Variants in CLVS1 observed in about 807,000 individuals in gnomAD.
The protein encoded by CLVS1 is clavesin 1.
A neutral mutation model predicts 33.1 loss-of-function variants in CLVS1; 10 were observed. That is an observed-to-expected ratio of 0.30 (90% CI 0.19 to 0.51). The LOEUF is 0.51. Among genes scored for constraint, CLVS1 ranks in the 20% least tolerant of loss-of-function variants. The pLI, the probability that CLVS1 is intolerant of heterozygous loss-of-function variation, is 0.97. For missense variants in CLVS1, 343 were observed against 433.4 expected, an observed-to-expected ratio of 0.79 and a Z score of 1.85; for synonymous variants, 163 against 166.1, an observed-to-expected ratio of 0.98 and a Z score of 0.14.
intron 1 of CLVS1, among the ~76,000 whole-genome samples, chr8:61,115,343 TA>T (rs1288064624): frequency 4.6e-5 from 7 of 151,262 alleles, no homozygotes; most frequent in Non-Finnish European, 5.9e-5. Flanking sequence ...TTATTTTTTT[TA>T]TTTTATTTTT....
intron 5 of CLVS1, among the ~76,000 whole-genome samples, chr8:61,489,781 C>T (rs1804006316): frequency 6.6e-6 from 1 of 152,138 alleles, no homozygotes. Flanking sequence ...TTCGATATGT[C>T]AAACAAGGGT....
At chr8:61,398,245 G>A (rs1181036133) in intron 3 of CLVS1, among the ~76,000 whole-genome samples, 5 of 146,048 alleles carry the variant, frequency 3.4e-5, no homozygotes, top group Non-Finnish European at 1.5e-5. Context: ...GTAGTGGTGT[G>A]ATCATGGCTC....
At chr8:61,454,342 T>C (rs1222412643) in intron 4 of CLVS1, 91 bp downstream of exon 4, 2 of 889,900 alleles carry the variant, frequency 2.2e-6, no homozygotes. Context: ...CCCCCCTTTT[T>C]CTCTCTTTCT....
rs1563428601 is a variant in CLVS1 at position 61,167,284 on chromosome 8, TC to T, written c.-152+35427del. On this transcript the variant is annotated intron_variant, in intron 2 of 2. Transcript: ENST00000522621. The stretch of plus-strand genomic sequence containing the variant: ...ATCTCTGCTCACCGCAACCTTCGCC[TC>T]CCGAGTTCAAGCCATTCTCCTGCCT... 1.1e-4 allele frequency among the ~76,000 whole-genome samples: 16 copies of T among 151,310 alleles called. No homozygotes were observed. In the South Asian group the frequency reaches 3.4e-3, roughly 32 times the overall value.
chr8:61,374,802 A>G (rs540264094), intron 2 of CLVS1, among the ~76,000 whole-genome samples: 1 of 152,230 alleles, frequency 6.6e-6, no homozygotes, highest in East Asian at 1.9e-4. Context: ...TAGATAGTTG[A>G]AAGTGTGTGG....
chr8:61,469,947 T>A (rs569655808), intron 5 of CLVS1, among the ~76,000 whole-genome samples: 2 of 152,352 alleles, frequency 1.3e-5, no homozygotes, highest in African/African-American at 4.8e-5. Flanking sequence ...AAGCAGCTAA[T>A]GCCTGAGATG....
Position 61,499,960 on chromosome 8 carries a change from A to G in CLVS1, c.*418A>G, listed in dbSNP as rs1804513672. 6.2e-6 allele frequency: 1 copy of G among 161,978 alleles called. No homozygotes were observed. The highest frequency in any genetic ancestry group is 1.4e-5 in the Non-Finnish European group (1 of 72,980). The allele number at this position is 161,978 out of a possible 1,614,324, so 10.0% of individuals were successfully genotyped here. Reference sequence around the variant, plus strand: ...AGTAAATGTATCAGAGTTAAACTGTACAGACACCACTGTCAAGTTTCATGT... The same window carrying G: ...AGTAAATGTATCAGAGTTAAACTGTGCAGACACCACTGTCAAGTTTCATGT... On this transcript the variant is annotated 3_prime_UTR_variant, in exon 6 of 6. Coordinates refer to ENST00000325897, the MANE Select transcript of CLVS1 (RefSeq NM_173519.3).
chr8:60,968,279 GC>G, the CLVS1 span, among the ~76,000 whole-genome samples: 1 of 152,186 alleles, frequency 6.6e-6, no homozygotes, highest in Non-Finnish European at 1.5e-5. Context: ...GGAGGCCGAG[GC>G]CGAGGCCGGC....
intron 2 of CLVS1, among the ~76,000 whole-genome samples, chr8:61,261,102 T>C (rs2931285): frequency 0.69 from 104,455 of 152,086 alleles, 38,267 homozygotes; most frequent in East Asian, 0.97. Flanking sequence ...ATCAAGCATC[T>C]GTGGCTTGAG....
intron 3 of CLVS1, among the ~76,000 whole-genome samples, chr8:61,450,009 C>A (rs1415751324): frequency 6.6e-6 from 1 of 152,182 alleles, no homozygotes; most frequent in East Asian, 1.9e-4. Flanking sequence ...ACTGTACATG[C>A]AGAACTCCAT....
chr8:61,354,475 C>T (rs559133640), intron 2 of CLVS1, among the ~76,000 whole-genome samples: 29 of 152,070 alleles, frequency 1.9e-4, no homozygotes, highest in Admixed American at 1.1e-3. Context: ...ATTACACTCT[C>T]GGGCATTTAT....
At chr8:61,120,829 T>C (rs1266258305) in intron 1 of CLVS1, among the ~76,000 whole-genome samples, 1 of 147,978 alleles carries the variant, frequency 6.8e-6, no homozygotes, top group Admixed American at 6.6e-5. Flanking sequence ...TCTTTTTGTT[T>C]GTCTGTGCCC....
intron 3 of CLVS1, among the ~76,000 whole-genome samples, chr8:61,448,377 A>C (rs1404592954): frequency 6.6e-6 from 1 of 152,048 alleles, no homozygotes; most frequent in Admixed American, 6.6e-5. Flanking sequence ...CCAATGACAC[A>C]AATTTTAGAT....
At chr8:61,140,189 T>C (rs890194007) in intron 2 of CLVS1, among the ~76,000 whole-genome samples, 1 of 152,224 alleles carries the variant, frequency 6.6e-6, no homozygotes, top group Non-Finnish European at 1.5e-5. Flanking sequence ...GATTTTATCC[T>C]TGGGCGAAGG....
At chr8:61,427,340 G>A (rs1815932244) in intron 3 of CLVS1, among the ~76,000 whole-genome samples, 1 of 152,066 alleles carries the variant, frequency 6.6e-6, no homozygotes, top group Non-Finnish European at 1.5e-5. Flanking sequence ...GACTGAGTTA[G>A]CCTTGCTAGC....
intron 2 of CLVS1, among the ~76,000 whole-genome samples, chr8:61,182,269 G>A (rs141500541): frequency 0.037 from 5,618 of 152,188 alleles, 208 homozygotes; most frequent in South Asian, 0.15. Flanking sequence ...ACATGGGCAT[G>A]GGCAAAGATT....
Position 61,299,802 on chromosome 8 carries a change from C to T in CLVS1, c.-26C>T. 6.5e-7 allele frequency: 1 copy of T among 1,548,120 alleles called. No homozygotes were observed. Among genetic ancestry groups the T allele is most frequent in the East Asian group, 2.3e-5 (1 of 44,392 alleles). ...GGTAGTAAAACACTGTTGAATGGGC[C>T]ACAGTTTCAGCAGACCATCAGGTGA... On this transcript the variant is annotated 5_prime_UTR_variant, in exon 2 of 6. Transcript: ENST00000325897.
chr8:61,194,803 A>G (rs2129303511), intron 2 of CLVS1, among the ~76,000 whole-genome samples: 1 of 151,928 alleles, frequency 6.6e-6, no homozygotes. Context: ...AACATTTTTT[A>G]AAAACAACCA....
intron 3 of CLVS1, among the ~76,000 whole-genome samples, chr8:61,395,199 C>T (rs1814473762): frequency 1.3e-5 from 2 of 152,036 alleles, no homozygotes; most frequent in Non-Finnish European, 1.5e-5. Flanking sequence ...GGAAATAAGC[C>T]AGGGACAGAA....
Sources: allele counts gnomAD v4.1 joint callset (sites outside exome capture counted in the v4.1 genomes callset), GRCh38; gene constraint gnomAD v4.1.1; transcripts MANE v1.5; gene names NCBI Gene and HGNC (gene_info 2026-07-23, HGNC 2026-07-21).